Variants in DOCK10 observed in about 807,000 individuals in gnomAD.
DOCK10 encodes dedicator of cytokinesis protein 10.
A neutral mutation model predicts 280.1 loss-of-function variants in DOCK10; 145 were observed. The observed-to-expected ratio is 0.52, with a 90% CI of 0.45 to 0.59. The LOEUF (loss-of-function observed/expected upper bound fraction) is 0.59, where lower values mean the gene tolerates loss of function less well. Ranked by LOEUF, DOCK10 falls within the 20% of genes least tolerant of loss-of-function variation. The probability of loss-of-function intolerance (pLI) is 0.00; values close to 1 mark genes in which losing one functional copy is unlikely to be tolerated. For missense variants in DOCK10, 2,368 were observed against 2,651.7 expected, an observed-to-expected ratio of 0.89 and a Z score of 2.35; for synonymous variants, 915 against 942.2, an observed-to-expected ratio of 0.97 and a Z score of 0.53.
chr2:224,840,411 T>G (rs746622739), intron 23 of DOCK10, among the ~76,000 whole-genome samples: 6 of 152,118 alleles, frequency 3.9e-5, no homozygotes, highest in Non-Finnish European at 2.9e-5. Flanking sequence ...AACAACTCAA[T>G]AGTAAGAAAA....
intron 4 of DOCK10, among the ~76,000 whole-genome samples, chr2:224,892,622 G>T (rs908666974): frequency 2.6e-5 from 4 of 152,130 alleles, no homozygotes; most frequent in African/African-American, 9.7e-5. Flanking sequence ...CTGGCAGAGG[G>T]AGCTGCAAGA....
chr2:224,852,338 TC>T (rs1474842198), intron 18 of DOCK10, 38 bp downstream of exon 18: 2 of 1,515,800 alleles, frequency 1.3e-6, no homozygotes, highest in African/African-American at 1.4e-5. Flanking sequence ...GCACCTGCCT[TC>T]CCACTTTATG....
chr2:225,023,427 G>C (rs553873851), intron 1 of DOCK10, among the ~76,000 whole-genome samples: 1 of 151,952 alleles, frequency 6.6e-6, no homozygotes, highest in Non-Finnish European at 1.5e-5. Flanking sequence ...TGTCAGATGG[G>C]GAAAAAAAGT....
chr2:225,000,205 GACAC>G lies in DOCK10; in HGVS notation c.123+42043_123+42046del, dbSNP rs773265503. 8.2e-5 allele frequency among the ~76,000 whole-genome samples: 10 copies of G among 121,232 alleles called. No individual in the cohort carries two copies. The South Asian group carries it at 9.4e-4, about 11-fold the overall frequency. 79.5% of individuals were successfully genotyped at this position (121,232 alleles called of 152,430 possible). On this transcript the variant is annotated intron_variant, in intron 1 of 55. Coordinates refer to ENST00000258390, the MANE Select transcript of DOCK10 (RefSeq NM_014689.3). ...ATCACTCAAGTCACACACACACACA[GACAC>G]ACACACACACACACAGACACACACA...
At chr2:224,944,201 A>G (rs1193128719) in intron 1 of DOCK10, among the ~76,000 whole-genome samples, 1 of 152,214 alleles carries the variant, frequency 6.6e-6, no homozygotes, top group Non-Finnish European at 1.5e-5. Flanking sequence ...TGACACATAG[A>G]AAGATCTGGG....
rs532240464 is a variant in DOCK10 at position 224,954,891 on chromosome 2, C to A, written c.124-23223G>T. 2.0e-5 allele frequency among the ~76,000 whole-genome samples: 3 copies of A among 152,318 alleles called. No individual in the cohort carries two copies. The South Asian group carries it at 6.2e-4, about 32-fold the overall frequency. ...AAGCATTCCGAGCTGAAGCAGATTT[C>A]TTCCACAAATGATCAGGTGAAGACA... On this transcript the variant is annotated intron_variant, in intron 1 of 55. Coordinates refer to ENST00000258390, the MANE Select transcript of DOCK10 (RefSeq NM_014689.3).
At chr2:225,020,846 TCTTA>T (rs1327366703) in intron 1 of DOCK10, among the ~76,000 whole-genome samples, 3 of 152,226 alleles carry the variant, frequency 2.0e-5, no homozygotes, top group Non-Finnish European at 4.4e-5. Flanking sequence ...ACATGCCCTC[TCTTA>T]CTTCTTGCAT....
intron 2 of DOCK10, among the ~76,000 whole-genome samples, chr2:224,921,331 G>T (rs887412138): frequency 6.6e-6 from 1 of 150,556 alleles, no homozygotes; most frequent in Non-Finnish European, 1.5e-5. Flanking sequence ...ATACTAACGT[G>T]AACACTTAGC....
In DOCK10 at chr2:224,930,218, AAG is replaced by A. The variant is rs762082058; in HGVS notation, c.243+1329_243+1330del. On this transcript the variant is annotated intron_variant, in intron 2 of 55. Coordinates refer to ENST00000258390, the MANE Select transcript of DOCK10 (RefSeq NM_014689.3). Reference sequence around the variant, plus strand: ...CACTCGGTAAAAAAAAAAAAAAAAAAAGAAAGAAAGAAGAAAGAAAGAAAGAA... The same window carrying A: ...CACTCGGTAAAAAAAAAAAAAAAAAAAAAGAAAGAAGAAAGAAAGAAAGAA... Among the ~76,000 whole-genome samples, 740 of 140,382 alleles carry A rather than the reference AAG, an allele frequency of 5.3e-3. 5 individuals are homozygous for A. The highest frequency in any genetic ancestry group is 0.017 in the African/African-American group (612 of 36,542). The allele number at this position is 140,382 out of a possible 152,430, so 92.1% of individuals were successfully genotyped here.
intron 14 of DOCK10, among the ~76,000 whole-genome samples, 162 bp from the exon 15 acceptor site, chr2:224,857,144 G>A (rs1387131253): frequency 1.3e-5 from 2 of 152,106 alleles, no homozygotes; most frequent in Admixed American, 1.3e-4. Context: ...CATTTATACA[G>A]TTTATTTTTG....
At chr2:225,007,201 T>G (rs1048511400) in intron 1 of DOCK10, among the ~76,000 whole-genome samples, 2 of 152,174 alleles carry the variant, frequency 1.3e-5, no homozygotes, top group Non-Finnish European at 2.9e-5. Flanking sequence ...TATTTCCTTT[T>G]CCCTGGCCTG....
At chr2:224,888,353 G>A (rs962182008) in intron 4 of DOCK10, among the ~76,000 whole-genome samples, 14 of 151,816 alleles carry the variant, frequency 9.2e-5, no homozygotes, top group Non-Finnish European at 1.9e-4. Context: ...ATACATATGT[G>A]TGTGTCTGTA....
intron 2 of DOCK10, among the ~76,000 whole-genome samples, chr2:224,918,761 G>A (rs573822387): frequency 4.5e-4 from 68 of 151,106 alleles, no homozygotes; most frequent in South Asian, 1.5e-3. Context: ...TGAGTGTGTC[G>A]CATTTGAGTG....
intron 4 of DOCK10, among the ~76,000 whole-genome samples, chr2:224,891,480 C>T (rs192814701): frequency 2.0e-5 from 3 of 152,126 alleles, no homozygotes; most frequent in South Asian, 2.1e-4. Context: ...TGATTGGAAA[C>T]GTTTTTAGGA....
intron 27 of DOCK10, 98 bp downstream of exon 27, chr2:224,830,443 A>G: frequency 1.5e-6 from 1 of 647,416 alleles, no homozygotes; most frequent in East Asian, 3.3e-5. Flanking sequence ...AAGGTTTATA[A>G]AGCAAATAAA....
Position 225,015,109 on chromosome 2 carries a change from T to C in DOCK10, c.123+27143A>G, listed in dbSNP as rs1218234449. Among the ~76,000 whole-genome samples the C allele has an allele frequency of 3.9e-5, 6 of 152,320 alleles. No homozygotes were observed. The East Asian group carries it at 1.2e-3, about 29-fold the overall frequency. ...GGGTGCAGTTTGGAAGTGACCACTT[T>C]ATGGTCATTTAAGATTTTGTGAATT... On this transcript the variant is annotated intron_variant, in intron 1 of 55. Transcript: ENST00000258390.
intron 26 of DOCK10, among the ~76,000 whole-genome samples, chr2:224,831,306 G>C (rs545349949): frequency 3.9e-5 from 6 of 152,278 alleles, no homozygotes; most frequent in Admixed American, 2.6e-4. Flanking sequence ...GAAAATGGAA[G>C]GTCATATGTC....
chr2:224,958,758 T>G (rs896304454), intron 1 of DOCK10, among the ~76,000 whole-genome samples: 1 of 152,202 alleles, frequency 6.6e-6, no homozygotes, highest in Non-Finnish European at 1.5e-5. Context: ...CAGTATCCTC[T>G]TTATGTTTCA....
At chr2:224,928,044 A>G (rs1327681145) in intron 2 of DOCK10, among the ~76,000 whole-genome samples, 6 of 152,100 alleles carry the variant, frequency 3.9e-5, no homozygotes, top group Non-Finnish European at 8.8e-5. Flanking sequence ...GAGGAGCCTC[A>G]CCCACTGCTG....
Sources: gnomAD v4.1 joint callset for allele counts (sites outside exome capture counted in the v4.1 genomes callset) on GRCh38, gnomAD v4.1.1 for gene constraint, MANE v1.5 for transcripts, NCBI Gene and HGNC (gene_info 2026-07-23, HGNC 2026-07-21) for gene names.